Variants in SYNPR observed in about 807,000 individuals in gnomAD.
SYNPR encodes the protein synaptoporin.
A neutral mutation model predicts 32.9 loss-of-function variants in SYNPR; 23 were observed. That is an observed-to-expected ratio of 0.70 (90% confidence interval 0.50 to 0.99). The LOEUF (loss-of-function observed/expected upper bound fraction) is 0.99, where lower values mean the gene tolerates loss of function less well. Ranked by LOEUF, SYNPR falls within the 50% of genes least tolerant of loss-of-function variation. The pLI is 0.00. For missense variants in SYNPR, 318 were observed against 349.3 expected, an observed-to-expected ratio of 0.91 and a Z score of 0.71; for synonymous variants, 146 against 135.9, an observed-to-expected ratio of 1.07 and a Z score of -0.52.
intron 1 of SYNPR, among the ~76,000 whole-genome samples, chr3:63,235,771 G>A (rs2086196447): frequency 6.6e-6 from 1 of 151,924 alleles, no homozygotes; most frequent in South Asian, 2.1e-4. Flanking sequence ...GCCCTTTGTT[G>A]GATATGAGGT....
At chr3:63,380,984 C>A (rs987417344) in intron 2 of SYNPR, among the ~76,000 whole-genome samples, 9 of 152,174 alleles carry the variant, frequency 5.9e-5, no homozygotes, top group East Asian at 3.9e-4. Flanking sequence ...TCCCTTTGAA[C>A]ACTGGCACAA....
At chr3:63,219,938 A>T in the SYNPR span, among the ~76,000 whole-genome samples, 89 of 152,322 alleles carry the variant, frequency 5.8e-4, 1 homozygote, top group East Asian at 0.016. Context: ...GGATCCATAC[A>T]GTTCAGAACT....
intron 2 of SYNPR, among the ~76,000 whole-genome samples, chr3:63,316,193 T>G (rs188738977): frequency 6.6e-6 from 1 of 152,086 alleles, no homozygotes; most frequent in East Asian, 1.9e-4. Flanking sequence ...ATCTGTAATT[T>G]TCTTTTTTGG....
At chr3:63,581,381 C>T (rs553116639) in intron 4 of SYNPR, among the ~76,000 whole-genome samples, 1 of 93,972 alleles carries the variant, frequency 1.1e-5, no homozygotes, top group South Asian at 6.1e-4. Context: ...AGTTCCTGCT[C>T]ATTCCAAATC....
intron 3 of SYNPR, among the ~76,000 whole-genome samples, chr3:63,553,632 C>T (rs1378838146): frequency 1.3e-5 from 2 of 152,170 alleles, no homozygotes; most frequent in Non-Finnish European, 2.9e-5. Flanking sequence ...GATATTATCT[C>T]ATCATGGTTT....
In SYNPR at chr3:63,514,730, G is replaced by A. The variant is rs919207997; in HGVS notation, c.209+33774G>A. 2.0e-5 allele frequency among the ~76,000 whole-genome samples: 3 copies of A among 152,126 alleles called. No homozygotes were observed. In the East Asian group the frequency reaches 5.8e-4, roughly 29 times the overall value. ...AGATCAACCAAGAACTGCAGGTTCTGAAATTAGCATTTTGTATTTTAGCTT... is the reference window on the plus strand; with the variant it reads ...AGATCAACCAAGAACTGCAGGTTCTAAAATTAGCATTTTGTATTTTAGCTT... On this transcript the variant is annotated intron_variant, in intron 3 of 5. Transcript: ENST00000478300.
intron 2 of SYNPR, among the ~76,000 whole-genome samples, chr3:63,459,018 G>A (rs1217350702): frequency 6.6e-6 from 1 of 151,896 alleles, no homozygotes; most frequent in East Asian, 1.9e-4. Context: ...CGTCACTTAA[G>A]TTTCTCCTTG....
intron 4 of SYNPR, among the ~76,000 whole-genome samples, chr3:63,580,794 T>C (rs951966762): frequency 6.6e-6 from 1 of 152,208 alleles, no homozygotes; most frequent in Admixed American, 6.5e-5. Context: ...AGTCTCATTA[T>C]ACAGTTCTGG....
chr3:63,385,347 C>T (rs756384711), intron 2 of SYNPR, among the ~76,000 whole-genome samples: 1 of 152,134 alleles, frequency 6.6e-6, no homozygotes, highest in Non-Finnish European at 1.5e-5. Flanking sequence ...CAAACTGAGA[C>T]TTTCTTCTTG....
At chr3:63,283,278 G>A (rs1019008084) in intron 2 of SYNPR, among the ~76,000 whole-genome samples, 7 of 152,108 alleles carry the variant, frequency 4.6e-5, no homozygotes, top group Admixed American at 4.6e-4. Context: ...CCTTAGGAAG[G>A]GTTCACGGAT....
chr3:63,492,113 A>T (rs1164999869), intron 3 of SYNPR, among the ~76,000 whole-genome samples: 74 of 152,132 alleles, frequency 4.9e-4, no homozygotes, highest in Non-Finnish European at 5.9e-5. Context: ...AACAAGAGAA[A>T]GGAGTGAAAT....
At chr3:63,394,570 C>G (rs933972576) in intron 2 of SYNPR, among the ~76,000 whole-genome samples, 2 of 152,088 alleles carry the variant, frequency 1.3e-5, no homozygotes, top group Non-Finnish European at 2.9e-5. Context: ...AATCTGTTAC[C>G]TTTTCAGCAA....
At chr3:63,524,632 G>A (rs977063174) in intron 3 of SYNPR, among the ~76,000 whole-genome samples, 2 of 152,090 alleles carry the variant, frequency 1.3e-5, no homozygotes, top group Non-Finnish European at 2.9e-5. Context: ...TAGCAGTCTG[G>A]GAAAGCCATC....
chr3:63,427,612 C>T (rs1699916375), intron 2 of SYNPR: 2 of 152,184 alleles, frequency 1.3e-5, no homozygotes, highest in Non-Finnish European at 1.5e-5. Context: ...CGTATTTAAC[C>T]CTTCTTGGCC....
chr3:63,278,552 G>A lies in SYNPR; in HGVS notation c.18+1G>A. ...GCGAGCTATGGACCCTGTGAGTCAG[G>A]TGAGACAGAACTGGGCAGGGCGGCT... On this transcript the variant is annotated splice_donor_variant, in intron 1 of 5. Transcript: ENST00000478300. LOFTEE classifies it high-confidence loss of function. The A allele has an allele frequency of 1.3e-6, 2 of 1,550,986 alleles. No homozygotes were observed. Among genetic ancestry groups the A allele is most frequent in the South Asian group, 2.4e-5 (2 of 84,000 alleles).
intron 2 of SYNPR, among the ~76,000 whole-genome samples, chr3:63,302,444 A>G (rs1018801723): frequency 6.6e-6 from 1 of 152,096 alleles, no homozygotes; most frequent in African/African-American, 2.4e-5. Flanking sequence ...TGGAAATACC[A>G]TTAAGTCTAA....
chr3:63,466,454 G>GC (rs544534543), intron 2 of SYNPR, among the ~76,000 whole-genome samples: 6 of 145,710 alleles, frequency 4.1e-5, no homozygotes, highest in Non-Finnish European at 9.0e-5. Context: ...TTCAGGATTT[G>GC]TTTTTTTTTT....
At chr3:63,206,913 T>G in the SYNPR span, among the ~76,000 whole-genome samples, 4 of 152,242 alleles carry the variant, frequency 2.6e-5, no homozygotes, top group Admixed American at 2.0e-4. Context: ...TGCCTGGAGT[T>G]GTTGTTATGG....
chr3:63,610,324 C>T (rs1700181807), intron 5 of SYNPR: 3 of 442,556 alleles, frequency 6.8e-6, no homozygotes, highest in African/African-American at 2.0e-5. Flanking sequence ...AAGAAAGAAG[C>T]TGTATCTGAG....
Sources: gnomAD v4.1 joint callset for allele counts (sites outside exome capture counted in the v4.1 genomes callset) on GRCh38, gnomAD v4.1.1 for gene constraint, MANE v1.5 for transcripts, NCBI Gene and HGNC (gene_info 2026-07-23, HGNC 2026-07-21) for gene names.